Variants in SLC17A5 observed in about 807,000 individuals in gnomAD.
SLC17A5 encodes the protein solute carrier family 17 member 5, also known as sialin.
SLC17A5 carries 47 observed loss-of-function variants against 59.4 expected under a neutral mutation model. The observed-to-expected ratio is 0.79, with a 90% CI of 0.63 to 1.01. The LOEUF (loss-of-function observed/expected upper bound fraction) is 1.01. SLC17A5 is among the 50% of genes least tolerant of loss of function. SLC17A5 has a pLI of 0.00. For synonymous variants in SLC17A5, 202 were observed against 210.7 expected, an observed-to-expected ratio of 0.96 and a Z score of 0.36; for missense variants, 522 against 595.5, an observed-to-expected ratio of 0.88 and a Z score of 1.28.
At chr6:73,637,021 G>A (rs984146954) in intron 4 of SLC17A5, among the ~76,000 whole-genome samples, 15 of 151,940 alleles carry the variant, frequency 9.9e-5, no homozygotes, top group Admixed American at 6.6e-4. Context: ...CAGCTGTTGA[G>A]GCTGCAGTGA....
At chr6:73,640,908 A>G (rs1167597308) in intron 3 of SLC17A5, among the ~76,000 whole-genome samples, 3 of 152,244 alleles carry the variant, frequency 2.0e-5, no homozygotes, top group Non-Finnish European at 4.4e-5. Flanking sequence ...ATAAAATCAT[A>G]AAATATTTGT....
intron 1 of SLC17A5, chr6:73,652,944 C>T: frequency 1.6e-6 from 1 of 630,206 alleles, no homozygotes; most frequent in South Asian, 7.0e-5. Flanking sequence ...TTTAAATAAA[C>T]TATATTACAA....
chr6:73,618,244 GAAATAAAATAAAATAAAATA>G lies in SLC17A5; in HGVS notation c.979-2817_979-2798del, dbSNP rs372079299. The G allele has an allele frequency of 4.9e-3, 694 of 141,400 alleles. 8 individuals carry two copies. The highest frequency in any genetic ancestry group is 0.032 in the South Asian group (135 of 4,190). 8.8% of individuals were successfully genotyped at this position (141,400 alleles called of 1,614,324 possible). ...ACTCAGTCTTAAAATAAAATAAAAT[GAAATAAAATAAAATAAAATA>G]AAATAAAATAAAATAAAATAAAATA... On this transcript the variant is annotated intron_variant, in intron 7 of 10. Coordinates refer to ENST00000355773, the MANE Select transcript of SLC17A5 (RefSeq NM_012434.5).
chr6:73,597,331 G>C (rs908486899), intron 10 of SLC17A5, among the ~76,000 whole-genome samples: 4 of 151,672 alleles, frequency 2.6e-5, no homozygotes, highest in African/African-American at 9.7e-5. Flanking sequence ...GCCAGGCGTG[G>C]TGGTGGGCAC....
chr6:73,632,380 T>A (rs1272125961), intron 6 of SLC17A5, among the ~76,000 whole-genome samples: 1 of 144,288 alleles, frequency 6.9e-6, no homozygotes, highest in African/African-American at 2.6e-5. Context: ...CCGAAGTGTG[T>A]CGAGAAACAA....
At chr6:73,613,371 AT>A (rs34499416) in intron 8 of SLC17A5, among the ~76,000 whole-genome samples, 202 of 149,244 alleles carry the variant, frequency 1.4e-3, no homozygotes, top group African/African-American at 4.0e-3. Flanking sequence ...TCTTTTATAA[AT>A]TTTTTTTTTT....
At chr6:73,629,137 C>A (rs1768571661) in intron 6 of SLC17A5, among the ~76,000 whole-genome samples, 2 of 152,180 alleles carry the variant, frequency 1.3e-5, no homozygotes, top group Admixed American at 6.5e-5. Context: ...GCCTGTAATC[C>A]CAGCACTTTG....
intron 7 of SLC17A5, among the ~76,000 whole-genome samples, chr6:73,616,327 C>G (rs1767865072): frequency 6.6e-6 from 1 of 152,128 alleles, no homozygotes; most frequent in South Asian, 2.1e-4. Flanking sequence ...GTATAGTAAT[C>G]ATGTACTCAC....
intron 7 of SLC17A5, among the ~76,000 whole-genome samples, chr6:73,619,778 T>G (rs1327617860): frequency 6.6e-6 from 1 of 152,146 alleles, no homozygotes; most frequent in Non-Finnish European, 1.5e-5. Context: ...TACACAACAT[T>G]AATTACTGGC....
intron 6 of SLC17A5, among the ~76,000 whole-genome samples, chr6:73,626,066 C>A (rs781008059): frequency 1.4e-4 from 21 of 152,124 alleles, no homozygotes; most frequent in Non-Finnish European, 2.2e-4. Flanking sequence ...CTGAAAGGTA[C>A]AAGTGTAAAT....
At position 73,653,806 on chromosome 6, in the gene SLC17A5, T is replaced by C. The variant is rs1213290222; in HGVS notation, c.81A>G (p.Pro27=). 6.3e-7 allele frequency: 1 copy of C among 1,592,610 alleles called. No homozygotes were observed. Among genetic ancestry groups the C allele is most frequent in the Admixed American group, 1.7e-5 (1 of 57,848 alleles). The change falls in exon 1 of 11, where the codon CCA becomes CCG. Residue 27 remains proline, a synonymous_variant. Coordinates refer to ENST00000355773, the MANE Select transcript of SLC17A5 (RefSeq NM_012434.5). ...CCCGCCGCTTACCGGCTTCGGCCCG[T>C]GGGGCGCCCGGTAGAAGAGGCGTGC... ...TDRTPLLPGA[P]RAEAAPVCCS... is the part of the protein sequence containing the mutation.
intron 10 of SLC17A5, among the ~76,000 whole-genome samples, chr6:73,595,676 T>A (rs530277782): frequency 2.0e-4 from 30 of 152,202 alleles, no homozygotes; most frequent in African/African-American, 6.3e-4. Flanking sequence ...TTGTGGAAAT[T>A]CATCTAGCTG....
chr6:73,650,455 C>T (rs1251671595), intron 1 of SLC17A5, among the ~76,000 whole-genome samples: 1 of 144,274 alleles, frequency 6.9e-6, no homozygotes, highest in Non-Finnish European at 1.5e-5. Flanking sequence ...ATGCAGTGAG[C>T]CGAGATAGCG....
rs2150099476 is a variant in SLC17A5, at chr6:73,621,957, A to C, written c.825T>G (p.Ser275=). Residue 275 remains serine, a synonymous_variant, in exon 7 of 11, where the codon TCT becomes TCG. Transcript: ENST00000355773. The part of the protein sequence containing the change: ...YILSSLRNQL[S]SQKSVPWVPI... ...GTACCCACGGCACTGACTTCTGTGA[A>C]GAAAGCTGAAGAAAACAGGAATAAT... The C allele has an allele frequency of 6.2e-7, 1 of 1,614,008 alleles. No homozygotes were observed. Among genetic ancestry groups the C allele is most frequent in the Non-Finnish European group, 8.5e-7 (1 of 1,179,916 alleles).
In SLC17A5 at chr6:73,641,811, C is replaced by A; in HGVS notation, c.405G>T (p.Gly135=). 1 of 1,614,098 alleles carries A rather than the reference C, an allele frequency of 6.2e-7. No homozygotes were observed. Among genetic ancestry groups the A allele is most frequent in the Non-Finnish European group, 8.5e-7 (1 of 1,179,996 alleles). Residue 135 remains glycine (G), a synonymous_variant, in exon 3 of 11, where the codon GGG becomes GGT. Transcript: ENST00000355773. Reference sequence around the variant, plus strand: ...GGATCCCAAATCCTAGCAGCATTTTCCCCCCTATTTTGCTGGCAACATATC... The same window carrying A: ...GGATCCCAAATCCTAGCAGCATTTTACCCCCTATTTTGCTGGCAACATATC... ...PGGYVASKIG[G]KMLLGFGILG... is the part of the protein sequence containing the mutation.
intron 9 of SLC17A5, among the ~76,000 whole-genome samples, chr6:73,601,304 C>T (rs972464879): frequency 1.5e-5 from 2 of 135,656 alleles, no homozygotes; most frequent in Non-Finnish European, 3.3e-5. Context: ...CCCCTCCGCC[C>T]GGCAGCCGCC....
chr6:73,640,577 A>G (rs764338200), intron 3 of SLC17A5, among the ~76,000 whole-genome samples: 2 of 152,160 alleles, frequency 1.3e-5, no homozygotes, highest in Non-Finnish European at 2.9e-5. Flanking sequence ...AGCATGATAC[A>G]CTGCTACTTA....
intron 6 of SLC17A5, 38 bp from the exon 7 acceptor site, chr6:73,622,000 A>G (rs1220514650): frequency 3.1e-6 from 5 of 1,595,422 alleles, no homozygotes; most frequent in South Asian, 2.2e-5. Context: ...AACTACGGCT[A>G]TGTTAATGCT....
chr6:73,622,634 G>A (rs1421354699), intron 6 of SLC17A5, among the ~76,000 whole-genome samples: 1 of 152,080 alleles, frequency 6.6e-6, no homozygotes, highest in Non-Finnish European at 1.5e-5. Context: ...CAGATTCAGA[G>A]GTTGACATAA....
Sources: gnomAD v4.1 joint callset for allele counts (sites outside exome capture counted in the v4.1 genomes callset) on GRCh38, gnomAD v4.1.1 for gene constraint, MANE v1.5 for transcripts, NCBI Gene and HGNC (gene_info 2026-07-23, HGNC 2026-07-21) for gene names.